The following LGR5 variants were observed in gnomAD, a reference collection of about 807,000 sequenced individuals.
LGR5 encodes the protein leucine rich repeat containing G protein-coupled receptor 5.
In LGR5, 54 loss-of-function variants were observed where a neutral mutation model predicts 76.7. The observed-to-expected ratio is 0.70, with a 90% CI of 0.57 to 0.88. The LOEUF is 0.88. Ranked by LOEUF, LGR5 falls within the 40% of genes least tolerant of loss-of-function variation. LGR5 has a pLI of 0.00. For synonymous variants in LGR5, 406 were observed against 421.9 expected, an observed-to-expected ratio of 0.96 and a Z score of 0.46; for missense variants, 1,078 against 1,073.3, an observed-to-expected ratio of 1.00 and a Z score of -0.06.
chr12:71,528,429 T>C (rs1241700640), intron 3 of LGR5, among the ~76,000 whole-genome samples: 2 of 152,138 alleles, frequency 1.3e-5, no homozygotes, highest in African/African-American at 4.8e-5. Flanking sequence ...ACCACTATAC[T>C]GTAGCCTGGG....
Position 71,524,430 on chromosome 12 carries a change from A to G in LGR5, c.309A>G (p.Thr103=). ...EELRLAGNAL[T]YIPKGAFTGL... ...GACGTCTTGCGGGAAACGCTCTGACATACATTCCCAAGGGAGCATTCACTG... is the reference window on the plus strand; with the variant it reads ...GACGTCTTGCGGGAAACGCTCTGACGTACATTCCCAAGGGAGCATTCACTG... The change falls in exon 3 of 18, where the codon ACA becomes ACG. Residue 103 remains threonine (T), a synonymous_variant. Coordinates refer to ENST00000266674, the MANE Select transcript of LGR5 (RefSeq NM_003667.4). 6.2e-7 allele frequency: 1 copy of G among 1,613,436 alleles called. No individual in the cohort carries two copies. The highest frequency in any genetic ancestry group is 1.3e-5 in the African/African-American group (1 of 75,030).
intron 1 of LGR5, among the ~76,000 whole-genome samples, chr12:71,470,179 G>A (rs1843900729): frequency 1.3e-5 from 2 of 152,176 alleles, no homozygotes; most frequent in Non-Finnish European, 2.9e-5. Flanking sequence ...AGGGAAAGTT[G>A]CTCCCTTTTC....
At chr12:71,502,255 T>A (rs979380918) in intron 1 of LGR5, among the ~76,000 whole-genome samples, 1 of 147,212 alleles carries the variant, frequency 6.8e-6, no homozygotes, top group African/African-American at 2.5e-5. Context: ...TGGAGTGCAA[T>A]GGTACAACCT....
At chr12:71,519,116 C>A (rs1014610849) in intron 2 of LGR5, among the ~76,000 whole-genome samples, 1 of 152,162 alleles carries the variant, frequency 6.6e-6, no homozygotes, top group Non-Finnish European at 1.5e-5. Context: ...TCCAACCTTA[C>A]CTCCTGCCAT....
At chr12:71,505,905 C>G (rs1008697581) in intron 2 of LGR5, among the ~76,000 whole-genome samples, 4 of 151,992 alleles carry the variant, frequency 2.6e-5, no homozygotes, top group African/African-American at 9.7e-5. Context: ...TCCATCTTCT[C>G]TTTTGTCTCA....
intron 1 of LGR5, among the ~76,000 whole-genome samples, chr12:71,487,539 C>T (rs1873885570): frequency 6.6e-6 from 1 of 152,068 alleles, no homozygotes. Context: ...CTCAGCCTCC[C>T]AGGTAGCTGG....
chr12:71,526,627 G>A (rs1876018464), intron 3 of LGR5, among the ~76,000 whole-genome samples: 1 of 152,132 alleles, frequency 6.6e-6, no homozygotes, highest in African/African-American at 2.4e-5. Flanking sequence ...TTATAATCTA[G>A]TGACAGACTG....
At chr12:71,446,577 A>G (rs1872003395) in intron 1 of LGR5, among the ~76,000 whole-genome samples, 2 of 152,170 alleles carry the variant, frequency 1.3e-5, no homozygotes, top group Admixed American at 6.5e-5. Flanking sequence ...ATTGCTCAAA[A>G]TATTTTTGGA....
intron 1 of LGR5, among the ~76,000 whole-genome samples, chr12:71,478,864 A>T (rs1873457596): frequency 6.6e-6 from 1 of 152,222 alleles, no homozygotes; most frequent in African/African-American, 2.4e-5. Flanking sequence ...CTCGTTAATT[A>T]TATTCTGGGC....
intron 13 of LGR5, among the ~76,000 whole-genome samples, chr12:71,573,209 C>A (rs778745419): frequency 4.6e-5 from 7 of 152,118 alleles, no homozygotes; most frequent in African/African-American, 1.7e-4. Context: ...AACCTGGAAT[C>A]GACAAGAAAC....
At chr12:71,559,872 A>T (rs1189758207) in intron 7 of LGR5, among the ~76,000 whole-genome samples, 3 of 152,110 alleles carry the variant, frequency 2.0e-5, no homozygotes, top group Non-Finnish European at 4.4e-5. Flanking sequence ...CATATATATT[A>T]AAAAAACATA....
intron 1 of LGR5, among the ~76,000 whole-genome samples, chr12:71,448,084 A>AACACACACACACACAC (rs35911721): frequency 0.018 from 2,593 of 145,614 alleles, 49 homozygotes; most frequent in African/African-American, 0.047. Context: ...CACACACACA[A>AACACACACACACACAC]ACACACACAC....
intron 13 of LGR5, 100 bp downstream of exon 13, chr12:71,573,021 G>A: frequency 1.3e-6 from 1 of 782,094 alleles, no homozygotes; most frequent in Non-Finnish European, 2.1e-6. Context: ...TATTGTGGTG[G>A]GACTTTTGTG....
At chr12:71,464,716 TAC>T (rs1381295362) in intron 1 of LGR5, among the ~76,000 whole-genome samples, 2 of 152,196 alleles carry the variant, frequency 1.3e-5, no homozygotes, top group Non-Finnish European at 2.9e-5. Context: ...TTTGAATAAA[TAC>T]ATTCAATATC....
rs768296709 is a variant in LGR5, at chr12:71,440,140, C to T, written c.60C>T (p.Thr20=). The part of the protein sequence containing the change: ...LSLPVLLQLA[T]GGSSPRSGVL... ...TGCCTGTGCTGCTGCAGCTGGCGAC[C>T]GGGGGCAGCTCTCCCAGGTCTGGTG... Residue 20 remains threonine, a synonymous_variant, in exon 1 of 18, where the codon ACC becomes ACT. Coordinates refer to ENST00000266674, the MANE Select transcript of LGR5 (RefSeq NM_003667.4). This position sits in a 1 kb window ranked among gnomAD's most constrained non-coding sequence, Gnocchi z 5.3. 6 of 1,609,662 alleles carry T rather than the reference C, an allele frequency of 3.7e-6. No individual in the cohort carries two copies. The African/African-American group carries it at 5.3e-5, about 14-fold the overall frequency.
intron 1 of LGR5, among the ~76,000 whole-genome samples, chr12:71,454,809 C>T (rs751376201): frequency 7.3e-5 from 11 of 150,820 alleles, no homozygotes; most frequent in South Asian, 2.1e-4. Context: ...ACAAACCCCA[C>T]GGCCACATCT....
At chr12:71,580,913 G>C (rs1188214725) in intron 16 of LGR5, among the ~76,000 whole-genome samples, 1 of 152,170 alleles carries the variant, frequency 6.6e-6, no homozygotes, top group African/African-American at 2.4e-5. Flanking sequence ...ACTTGAGAAA[G>C]AGAAAACTAG....
intron 1 of LGR5, among the ~76,000 whole-genome samples, chr12:71,461,929 G>C (rs1175224825): frequency 6.6e-6 from 1 of 152,088 alleles, no homozygotes; most frequent in Non-Finnish European, 1.5e-5. Flanking sequence ...AGCCTTAAAT[G>C]CACAGGTTTT....
intron 1 of LGR5, among the ~76,000 whole-genome samples, chr12:71,486,530 C>G (rs1873835012): frequency 6.6e-6 from 1 of 152,178 alleles, no homozygotes. Flanking sequence ...CAGTGCTTAT[C>G]TGATGTAAAA....
Sources: gnomAD v4.1 joint callset for allele counts (sites outside exome capture counted in the v4.1 genomes callset) on GRCh38, gnomAD v4.1.1 for gene constraint, Gnocchi (gnomAD v3.1) non-coding constraint, MANE v1.5 for transcripts, NCBI Gene and HGNC (gene_info 2026-07-23, HGNC 2026-07-21) for gene names.